Variants in PNPLA7 observed in about 807,000 individuals in gnomAD.
PNPLA7 encodes the protein patatin-like phospholipase domain-containing protein 7.
A neutral mutation model predicts 161.7 loss-of-function variants in PNPLA7; 153 were observed. The ratio of observed to expected loss-of-function variants is 0.95; its 90% CI spans 0.83 to 1.08. PNPLA7 has a LOEUF of 1.08. PNPLA7 is among the 50% of genes least tolerant of loss of function. The pLI is 0.00. For missense variants in PNPLA7, 1,739 were observed against 1,856.6 expected (o/e 0.94, Z 1.16); for synonymous variants, 809 against 782.1 (o/e 1.03, Z -0.57).
intron 14 of PNPLA7, among the ~76,000 whole-genome samples, chr9:137,504,197 GGAA>G (rs923090803): frequency 2.4e-4 from 36 of 150,632 alleles, no homozygotes; most frequent in Middle Eastern, 3.4e-3. Flanking sequence ...AAGAAGAAGA[GGAA>G]GAAGAAGAGA....
In PNPLA7 at chr9:137,547,526, G is replaced by T; in HGVS notation, c.105+59C>A. ...ATGAGCCAGGGGATGGGGACAGGGAGAGGTGAAAAAGGCCACGGCCCATCC... is the reference window on the plus strand; with the variant it reads ...ATGAGCCAGGGGATGGGGACAGGGATAGGTGAAAAAGGCCACGGCCCATCC... On this transcript the variant is annotated intron_variant, in intron 2 of 34. Coordinates refer to ENST00000406427, the MANE Select transcript of PNPLA7 (RefSeq NM_001098537.3). This position sits in a 1 kb window ranked among gnomAD's most constrained non-coding sequence, Gnocchi z 4.6. The T allele has an allele frequency of 3.1e-6, 5 of 1,599,694 alleles. No homozygotes were observed. Among genetic ancestry groups the T allele is most frequent in the Non-Finnish European group, 3.4e-6 (4 of 1,167,836 alleles).
rs1832706851 is a variant in PNPLA7 at position 137,490,381 on chromosome 9, C to T, written c.2197+2632G>A. Among the ~76,000 whole-genome samples, 1 of 152,170 alleles carries T rather than the reference C, an allele frequency of 6.6e-6. No homozygotes were observed. Among genetic ancestry groups the T allele is most frequent in the South Asian group, 2.1e-4 (1 of 4,830 alleles). ...CAAAGTGCTGGGATGAGGTGTAAGA[C>T]ACTGTGCCTGGTCAAAACATTCTTG... On this transcript the variant is annotated intron_variant, in intron 20 of 34. Coordinates refer to ENST00000406427, the MANE Select transcript of PNPLA7 (RefSeq NM_001098537.3). This position sits in a 1 kb window ranked among gnomAD's most constrained non-coding sequence, Gnocchi z 4.1.
At chr9:137,470,205 G>T (rs1175660826) in intron 25 of PNPLA7, among the ~76,000 whole-genome samples, 1 of 151,942 alleles carries the variant, frequency 6.6e-6, no homozygotes, top group Non-Finnish European at 1.5e-5. Context: ...TTATAAAGAT[G>T]GGGTCTCACT....
At chr9:137,512,737 C>T (rs908637669) in intron 12 of PNPLA7, among the ~76,000 whole-genome samples, 4 of 150,902 alleles carry the variant, frequency 2.7e-5, no homozygotes, top group East Asian at 2.0e-4. Flanking sequence ...CCCAGGAGTT[C>T]GAAACCAGCC....
chr9:137,512,035 A>C (rs751239757), intron 12 of PNPLA7, among the ~76,000 whole-genome samples: 4 of 151,846 alleles, frequency 2.6e-5, no homozygotes, highest in South Asian at 4.2e-4. Context: ...CCACTACCGG[A>C]CTCTGCGCAC....
intron 20 of PNPLA7, chr9:137,491,938 G>C: frequency 1.0e-6 from 1 of 985,470 alleles, no homozygotes; most frequent in Non-Finnish European, 1.2e-6. Flanking sequence ...GCTGTGCTGA[G>C]ACGGAGATGC....
rs757957421 is a variant in PNPLA7, at chr9:137,460,275, C to T, written c.*118G>A. 10 of 1,053,602 alleles carry T rather than the reference C, an allele frequency of 9.5e-6. No homozygotes were observed. The highest frequency in any genetic ancestry group is 1.6e-5 in the South Asian group (1 of 63,056). The allele number at this position is 1,053,602 out of a possible 1,614,324, so 65.3% of individuals were successfully genotyped here. A position where few individuals can be genotyped will look rare whatever the true frequency, so the allele number is the denominator to read the frequency against. On this transcript the variant is annotated 3_prime_UTR_variant, in exon 35 of 35. Coordinates refer to ENST00000406427, the MANE Select transcript of PNPLA7 (RefSeq NM_001098537.3). ...AGAACCCTAACACAGCCTGGGGCCCCGGGGAAGTCAGGGCTTCCAGCAGGG... is the reference window on the plus strand; with the variant it reads ...AGAACCCTAACACAGCCTGGGGCCCTGGGGAAGTCAGGGCTTCCAGCAGGG...
At chr9:137,502,181 G>T (rs1032459419) in intron 14 of PNPLA7, among the ~76,000 whole-genome samples, 19 of 152,152 alleles carry the variant, frequency 1.2e-4, no homozygotes, top group African/African-American at 4.6e-4. Flanking sequence ...CAACACACTG[G>T]AACCCAGAAG....
chr9:137,513,712 A>T (rs1014247050), intron 12 of PNPLA7, among the ~76,000 whole-genome samples: 34 of 152,152 alleles, frequency 2.2e-4, no homozygotes, highest in African/African-American at 7.5e-4. Context: ...GAAACTAATG[A>T]GACAAGAGGG....
chr9:137,484,817 C>G (rs947900198), intron 20 of PNPLA7, 81 bp from the exon 21 acceptor site: 42 of 1,465,122 alleles, frequency 2.9e-5, no homozygotes, highest in Non-Finnish European at 3.7e-5. Flanking sequence ...CCCCCCGAGG[C>G]TGCACAGGAG....
At position 137,461,626 on chromosome 9, in the gene PNPLA7, GGT is replaced by G. The variant is rs1564275861; in HGVS notation, c.3757-8_3757-7del. The G allele has an allele frequency of 6.2e-7, 1 of 1,607,964 alleles. No individual in the cohort carries two copies. Among genetic ancestry groups the G allele is most frequent in the Non-Finnish European group, 8.5e-7 (1 of 1,176,720 alleles). ...GCGTTGGGACAGGTGAGGACCTAGG[GGT>G]GGGGTGAGGACAGCACGTTGCCTGT... is the stretch of plus-strand genomic sequence containing the variant. On this transcript the variant is annotated splice_polypyrimidine_tract_variant and splice_region_variant and intron_variant, in intron 32 of 34. Coordinates refer to ENST00000406427, the MANE Select transcript of PNPLA7 (RefSeq NM_001098537.3).
chr9:137,496,567 C>G (rs113441984), intron 18 of PNPLA7, among the ~76,000 whole-genome samples: 1 of 151,904 alleles, frequency 6.6e-6, no homozygotes, highest in African/African-American at 2.4e-5. Flanking sequence ...CAAAATTAGC[C>G]GGGCGTGGTG....
Position 137,522,770 on chromosome 9 carries a change from C to T in PNPLA7, c.835G>A (p.Val279Ile), listed in dbSNP as rs146478797. 1.8e-4 allele frequency: 287 copies of T among 1,613,826 alleles called. 1 individual carries two copies. Among genetic ancestry groups the T allele is most frequent in the Non-Finnish European group, 1.9e-4 (220 of 1,179,972 alleles). The change falls in exon 9 of 35, where the codon GTT becomes ATT. Residue 279 changes from valine (V) to isoleucine (I), a missense_variant. Around this residue, in one of 6 missense-constraint regions of PNPLA7, gnomAD observed 152 missense variants for 193.5 expected, o/e 0.79. Coordinates refer to ENST00000406427, the MANE Select transcript of PNPLA7 (RefSeq NM_001098537.3). ...LRLPAAAFHG[V>I]FEKYPETLVR... ...AGAGTTTCCGGATATTTCTCAAAAA[C>T]TCCATGAAAAGCCGCAGCTGGAAGC...
intron 12 of PNPLA7, among the ~76,000 whole-genome samples, chr9:137,511,065 G>A (rs1200021161): frequency 3.3e-5 from 5 of 152,256 alleles, no homozygotes; most frequent in South Asian, 2.1e-4. Flanking sequence ...AAGAGTGTGA[G>A]CTCTCTGTCA....
intron 11 of PNPLA7, chr9:137,516,302 C>G (rs558629466): frequency 0.01 from 9,975 of 983,730 alleles, 68 homozygotes; most frequent in Admixed American, 0.015. Flanking sequence ...GCATCTGCCC[C>G]TCAGGTGAAA....
chr9:137,513,476 CAAA>C (rs11422303), intron 12 of PNPLA7, among the ~76,000 whole-genome samples: 2 of 122,414 alleles, frequency 1.6e-5, no homozygotes, highest in Non-Finnish European at 3.5e-5. Context: ...AACTCTGTCA[CAAA>C]AAAAAAAAAA....
chr9:137,505,373 G>C (rs1271856141), intron 14 of PNPLA7, among the ~76,000 whole-genome samples: 1 of 152,138 alleles, frequency 6.6e-6, no homozygotes, highest in African/African-American at 2.4e-5. Flanking sequence ...GAATTCTAAA[G>C]TTCAGCTTTG....
At chr9:137,471,096 A>G (rs578106644) in intron 25 of PNPLA7, among the ~76,000 whole-genome samples, 1 of 152,378 alleles carries the variant, frequency 6.6e-6, no homozygotes, top group Admixed American at 6.5e-5. Flanking sequence ...GAAGAAACAG[A>G]AAGAACGTAC....
In PNPLA7 at chr9:137,543,543, G is replaced by T. The variant is rs763578116; in HGVS notation, c.395C>A (p.Ala132Asp). The change falls in exon 6 of 35, where the codon GCC becomes GAC. Residue 132 changes from alanine (A) to aspartate (D), a missense_variant. This residue lies in a region of PNPLA7 where 209 missense variants were observed against 252.8 expected (regional missense o/e 0.83). Transcript: ENST00000406427. This position sits in a 1 kb window ranked among gnomAD's most constrained non-coding sequence, Gnocchi z 6.9. ...GGGCGGGGGCTCCTTGGGCTGCAGG[G>T]CCGGGTATTCCTTCTTGAAACGCAG... Reference protein sequence around the residue: ...RILRFKKEYPALQPKEPPPSL... With the variant: ...RILRFKKEYPDLQPKEPPPSL... The T allele has an allele frequency of 6.2e-7, 1 of 1,613,604 alleles. No individual in the cohort carries two copies. The highest frequency in any genetic ancestry group is 1.6e-4 in the Middle Eastern group (1 of 6,062).
Sources: allele counts gnomAD v4.1 joint callset (sites outside exome capture counted in the v4.1 genomes callset), GRCh38; gene constraint gnomAD v4.1.1; regional missense constraint gnomAD v4.1.1; non-coding constraint Gnocchi (gnomAD v3.1); transcripts MANE v1.5; gene names NCBI Gene and HGNC (gene_info 2026-07-23, HGNC 2026-07-21).